The following LLGL1 variants were observed in gnomAD, a reference collection of about 807,000 sequenced individuals.
LLGL1 encodes lethal(2) giant larvae protein homolog 1.
In LLGL1, 58 loss-of-function variants were observed where a neutral mutation model predicts 110.6. The observed-to-expected ratio is 0.52, with a 90% CI of 0.42 to 0.65. The LOEUF is 0.65. Ranked by LOEUF, LLGL1 falls within the 30% of genes least tolerant of loss-of-function variation. LLGL1 has a pLI of 0.00. For missense variants in LLGL1, 1,229 were observed against 1,462.1 expected (o/e 0.84, Z 2.60); for synonymous variants, 674 against 607.2 (o/e 1.11, Z -1.62).
intron 4 of LLGL1, 109 bp from the exon 5 acceptor site, chr17:18,233,669 A>T: frequency 8.4e-7 from 1 of 1,190,142 alleles, no homozygotes; most frequent in Non-Finnish European, 1.2e-6. Flanking sequence ...GGCCCTGGTG[A>T]GTGCTGTGGG....
At chr17:18,236,558 G>T (rs1436949696) in intron 11 of LLGL1, 49 bp from the exon 12 acceptor site, 1 of 1,565,038 alleles carries the variant, frequency 6.4e-7, no homozygotes, top group East Asian at 2.3e-5. Flanking sequence ...GGAGGGGCGT[G>T]CAGGCCTCCC....
chr17:18,236,500 T>G, intron 11 of LLGL1, 107 bp from the exon 12 acceptor site: 1 of 1,121,180 alleles, frequency 8.9e-7, no homozygotes, highest in Non-Finnish European at 1.3e-6. Flanking sequence ...CGGTCAGTGT[T>G]TGGCACGTGC....
Position 18,240,608 on chromosome 17 carries a change from G to A in LLGL1, c.2237G>A (p.Gly746Asp). Residue 746 changes from glycine (G) to aspartate (D), a missense_variant, in exon 17 of 23, where the codon GGC becomes GAC. Physicochemically the swap from Gly to Asp is moderately conservative, Grantham distance 94 (BLOSUM62 -1). Coordinates refer to ENST00000316843, the MANE Select transcript of LLGL1 (RefSeq NM_004140.4). This position sits in a 1 kb window ranked among gnomAD's most constrained non-coding sequence, Gnocchi z 5.3. The part of the protein sequence containing the change: ...GAHHGPTMWA[G>D]TNSGSVFAYA... Reference sequence around the variant, plus strand: ...CACCACGGGCCCACCATGTGGGCTGGCACCAACTCAGGCTCTGTGTTCGCC... The same window carrying A: ...CACCACGGGCCCACCATGTGGGCTGACACCAACTCAGGCTCTGTGTTCGCC... 6.2e-7 allele frequency: 1 copy of A among 1,605,426 alleles called. No individual in the cohort carries two copies. The highest frequency in any genetic ancestry group is 8.5e-7 in the Non-Finnish European group (1 of 1,174,234).
chr17:18,226,489 C>T (rs1043600916), intron 1 of LLGL1, among the ~76,000 whole-genome samples: 24 of 152,336 alleles, frequency 1.6e-4, no homozygotes, highest in African/African-American at 5.5e-4. Flanking sequence ...TCCCCCACTG[C>T]TCCAGGCTCT....
intron 1 of LLGL1, among the ~76,000 whole-genome samples, chr17:18,227,395 C>T (rs971615954): frequency 5.4e-5 from 8 of 147,408 alleles, no homozygotes; most frequent in Non-Finnish European, 9.0e-5. Flanking sequence ...CTAAATGTCA[C>T]TTTTTTTTTT....
At chr17:18,226,046 C>G (rs529395202) in intron 1 of LLGL1, among the ~76,000 whole-genome samples, 1 of 152,178 alleles carries the variant, frequency 6.6e-6, no homozygotes, top group African/African-American at 2.4e-5. Flanking sequence ...GGGGGTCTGT[C>G]TCTGAGACTC....
At position 18,240,399 on chromosome 17, in the gene LLGL1, G is replaced by A. The variant is rs561756539; in HGVS notation, c.2207-179G>A. On this transcript the variant is annotated intron_variant, in intron 16 of 22. Coordinates refer to ENST00000316843, the MANE Select transcript of LLGL1 (RefSeq NM_004140.4). The surrounding 1 kb of genome is among the most constrained non-coding windows in gnomAD (Gnocchi z 5.3). ...GCATAGAGCTGGGGTCTCAGGCCTC[G>A]AGGCTGGAGGTCACCAGGGAGGCAT... Among the ~76,000 whole-genome samples the A allele has an allele frequency of 2.6e-5, 4 of 152,294 alleles. No homozygotes were observed. The highest frequency in any genetic ancestry group is 3.9e-4 in the East Asian group (2 of 5,188).
At chr17:18,242,473 G>T (rs1209316484) in intron 20 of LLGL1, 35 bp from the exon 21 acceptor site, 1 of 1,612,900 alleles carries the variant, frequency 6.2e-7, no homozygotes, top group Non-Finnish European at 8.5e-7. Context: ...GGGTGCTAAG[G>T]GTCCTGGTAG....
intron 2 of LLGL1, among the ~76,000 whole-genome samples, chr17:18,231,168 C>T (rs974142048): frequency 6.6e-6 from 1 of 152,138 alleles, no homozygotes; most frequent in South Asian, 2.1e-4. Context: ...GGCTGGAGCC[C>T]GGGGTCCTCT....
In LLGL1 at chr17:18,240,179, G is replaced by C. The variant is rs1260831561; in HGVS notation, c.2207-399G>C. ...CAAGGGGACGCAGGGGTGGAGAGAGGAGTCGGGGTCTTGTGGGGCTTGGGG... is the reference window on the plus strand; with the variant it reads ...CAAGGGGACGCAGGGGTGGAGAGAGCAGTCGGGGTCTTGTGGGGCTTGGGG... On this transcript the variant is annotated intron_variant, in intron 16 of 22. Transcript: ENST00000316843. This position sits in a 1 kb window ranked among gnomAD's most constrained non-coding sequence, Gnocchi z 5.3. Among the ~76,000 whole-genome samples, 2 of 152,130 alleles carry C rather than the reference G, an allele frequency of 1.3e-5. No individual in the cohort carries two copies. The highest frequency in any genetic ancestry group is 4.8e-5 in the African/African-American group (2 of 41,422).
intron 22 of LLGL1, among the ~76,000 whole-genome samples, chr17:18,243,533 A>G (rs1053424898): frequency 6.6e-6 from 1 of 152,238 alleles, no homozygotes; most frequent in Non-Finnish European, 1.5e-5. Context: ...TGGGCCCAGC[A>G]AGTGGCTGAC....
chr17:18,234,393 G>A lies in LLGL1; in HGVS notation c.835G>A (p.Ala279Thr). 2 of 1,612,668 alleles carry A rather than the reference G, an allele frequency of 1.2e-6. No homozygotes were observed. Among genetic ancestry groups the A allele is most frequent in the Non-Finnish European group, 1.7e-6 (2 of 1,179,894 alleles). The change falls in exon 7 of 23, where the codon GCC becomes ACC. Residue 279 changes from alanine to threonine, a missense_variant. Physicochemically the swap from Ala to Thr is moderately conservative, Grantham distance 58. Transcript: ENST00000316843. ...GSFPTLQPTVATTPYGPFPCK... is the reference protein window; with the variant it reads ...GSFPTLQPTVTTTPYGPFPCK... ...CTTCCCAACGCTGCAGCCCACGGTAGCCACCACACCTTACGGTGAGTGCTG... is the reference window on the plus strand; with the variant it reads ...CTTCCCAACGCTGCAGCCCACGGTAACCACCACACCTTACGGTGAGTGCTG...
intron 13 of LLGL1, 170 bp downstream of exon 13, chr17:18,237,109 C>T (rs959418121): frequency 1.6e-5 from 10 of 626,906 alleles, no homozygotes; most frequent in African/African-American, 3.7e-5. Context: ...GTGGGCCTGT[C>T]GCTGGGGGAA....
chr17:18,231,550 A>AC (rs1265443739), intron 2 of LLGL1, among the ~76,000 whole-genome samples: 1 of 151,968 alleles, frequency 6.6e-6, no homozygotes. Flanking sequence ...CAGGTCATCC[A>AC]CCCCCTCCAA....
At chr17:18,225,788 C>A in intron 1 of LLGL1, 25 bp downstream of exon 1, 1 of 932,546 alleles carries the variant, frequency 1.1e-6, no homozygotes, top group Non-Finnish European at 1.3e-6. Flanking sequence ...CGGGCCCGGG[C>A]TCGGGCGGGA....
Position 18,241,518 on chromosome 17 carries a change from T to C in LLGL1, c.2570T>C (p.Val857Ala), listed in dbSNP as rs1302175961. ...CTGACGGCCCATGAGGGCTGTCGTG[T>C]GCGCAAGGTGGCACTGGCCACGTTT... is the stretch of plus-strand genomic sequence containing the variant. ...FKLTAHEGCR[V>A]RKVALATFAS... The change falls in exon 18 of 23, where the codon GTG becomes GCG. Residue 857 changes from valine (V) to alanine (A), a missense_variant. Transcript: ENST00000316843. 3.7e-6 allele frequency: 6 copies of C among 1,613,844 alleles called. No homozygotes were observed. Among genetic ancestry groups the C allele is most frequent in the Non-Finnish European group, 5.1e-6 (6 of 1,179,990 alleles).
chr17:18,231,007 C>T (rs1161367998), intron 2 of LLGL1, among the ~76,000 whole-genome samples: 4 of 152,230 alleles, frequency 2.6e-5, no homozygotes, highest in Non-Finnish European at 5.9e-5. Context: ...GCCTGGCCTG[C>T]TGCTCCCACT....
intron 6 of LLGL1, 34 bp from the exon 7 acceptor site, chr17:18,234,239 G>GCCTGCCTGCCTGCCTGCC: frequency 6.3e-7 from 1 of 1,582,314 alleles, no homozygotes; most frequent in Non-Finnish European, 8.6e-7. Context: ...CATGGCTCAT[G>GCCTGCCTGCCTGCCTGCC]CCTGCCTGCC....
At position 18,241,976 on chromosome 17, in the gene LLGL1, G is replaced by A. The variant is rs767833603; in HGVS notation, c.2859G>A (p.Trp953Ter). 1 of 1,613,978 alleles carries A rather than the reference G, an allele frequency of 6.2e-7. No individual in the cohort carries two copies. The highest frequency in any genetic ancestry group is 8.5e-7 in the Non-Finnish European group (1 of 1,179,904). ...CGCTCTGCTCTCTGGACATTAACTG[G>A]CCCCGCGATGCCACCCAGGCCAGGT... ...TEPLCSLDINWPRDATQASYR... is the reference protein window; with the variant it reads ...TEPLCSLDIN Residue 953 changes from tryptophan (W) to a stop codon, truncating the protein, a stop_gained, in exon 19 of 23, where the codon TGG becomes TGA. Coordinates refer to ENST00000316843, the MANE Select transcript of LLGL1 (RefSeq NM_004140.4). LOFTEE classifies it high-confidence loss of function.
Sources: gnomAD v4.1 joint callset for allele counts (sites outside exome capture counted in the v4.1 genomes callset) on GRCh38, gnomAD v4.1.1 for gene constraint, Gnocchi (gnomAD v3.1) non-coding constraint, MANE v1.5 for transcripts, NCBI Gene and HGNC (gene_info 2026-07-23, HGNC 2026-07-21) for gene names.